Variants in PPP2R3A observed in about 807,000 individuals in gnomAD.
PPP2R3A encodes the protein serine/threonine-protein phosphatase 2A regulatory subunit B'' subunit alpha.
Under a neutral mutation model 106.9 loss-of-function variants are expected in PPP2R3A, and 80 were observed. The observed-to-expected ratio is 0.75, with a 90% CI of 0.62 to 0.90. The LOEUF is 0.90. Ranked by LOEUF, PPP2R3A falls within the 40% of genes least tolerant of loss-of-function variation. The pLI, the probability that PPP2R3A is intolerant of heterozygous loss-of-function variation, is 0.00. For missense variants in PPP2R3A, 1,386 were observed against 1,350.4 expected, an observed-to-expected ratio of 1.03 and a Z score of -0.41; for synonymous variants, 483 against 468.3, an observed-to-expected ratio of 1.03 and a Z score of -0.41.
intron 13 of PPP2R3A, among the ~76,000 whole-genome samples, chr3:136,121,447 G>A (rs1403816603): frequency 6.6e-6 from 1 of 152,164 alleles, no homozygotes; most frequent in Non-Finnish European, 1.5e-5. Context: ...TAGAGGATAG[G>A]AGGAGGGTGA....
In PPP2R3A at chr3:136,145,403, C is replaced by A; in HGVS notation, c.*237C>A. 2.8e-6 allele frequency: 1 copy of A among 352,840 alleles called. No homozygotes were observed. The highest frequency in any genetic ancestry group is 5.2e-6 in the Non-Finnish European group (1 of 192,034). The allele number at this position is 352,840 out of a possible 1,614,324, so 21.9% of individuals were successfully genotyped here. ...TCCTCAGAAGTGGTACCATCGCCTT[C>A]CAAAGTCAGCACTCTACACTCTTGA... is the stretch of plus-strand genomic sequence containing the variant. On this transcript the variant is annotated 3_prime_UTR_variant, in exon 14 of 14. Coordinates refer to ENST00000264977, the MANE Select transcript of PPP2R3A (RefSeq NM_002718.5).
intron 2 of PPP2R3A, among the ~76,000 whole-genome samples, chr3:136,010,449 C>T (rs1482029601): frequency 1.1e-4 from 9 of 82,078 alleles, no homozygotes; most frequent in African/African-American, 2.9e-4. Flanking sequence ...TTTTTTGAGA[C>T]GGAGTCTCGC....
chr3:135,989,858 A>G (rs1302156100), intron 1 of PPP2R3A, among the ~76,000 whole-genome samples: 2 of 152,138 alleles, frequency 1.3e-5, no homozygotes. Flanking sequence ...ATAAACTATA[A>G]TCTTACTTTT....
intron 9 of PPP2R3A, 127 bp from the exon 10 acceptor site, chr3:136,090,451 A>G (rs1417944851): frequency 1.5e-6 from 1 of 665,544 alleles, no homozygotes; most frequent in Non-Finnish European, 2.5e-6. Context: ...GTTGCCCTTT[A>G]TGAGGCATTT....
rs765467299 is a variant in PPP2R3A at position 136,145,115 on chromosome 3, T to C, written c.3402T>C (p.Ser1134=). The change falls in exon 14 of 14, where the codon AGT becomes AGC. Residue 1134 remains serine (S), a synonymous_variant. Coordinates refer to ENST00000264977, the MANE Select transcript of PPP2R3A (RefSeq NM_002718.5). ...EFGNKSNKIL[S]ASLPEKCGKL... ...GAAACAAAAGCAATAAAATATTAAGTGCAAGCCTTCCAGAGAAATGTGGAA... is the reference window on the plus strand; with the variant it reads ...GAAACAAAAGCAATAAAATATTAAGCGCAAGCCTTCCAGAGAAATGTGGAA... 3 of 1,613,922 alleles carry C rather than the reference T, an allele frequency of 1.9e-6. No individual in the cohort carries two copies. The Admixed American group carries it at 5.0e-5, about 27-fold the overall frequency.
chr3:136,100,425 A>T (rs1006412667), intron 10 of PPP2R3A, among the ~76,000 whole-genome samples: 2 of 152,008 alleles, frequency 1.3e-5, no homozygotes, highest in African/African-American at 4.8e-5. Flanking sequence ...CTGTAATCCC[A>T]GCACTTTGGG....
Position 136,145,423 on chromosome 3 carries a change from T to C in PPP2R3A, c.*257T>C, listed in dbSNP as rs1939079187. 2 of 278,532 alleles carry C rather than the reference T, an allele frequency of 7.2e-6. No individual in the cohort carries two copies. The highest frequency in any genetic ancestry group is 4.3e-5 in the South Asian group (1 of 23,174). 17.3% of individuals were successfully genotyped at this position (278,532 alleles called of 1,614,324 possible). On this transcript the variant is annotated 3_prime_UTR_variant, in exon 14 of 14. Transcript: ENST00000264977. ...GCCTTCCAAAGTCAGCACTCTACAC[T>C]CTTGAATGTACCAAGGATCTCTTGG...
intron 13 of PPP2R3A, among the ~76,000 whole-genome samples, chr3:136,124,867 A>G (rs1207930871): frequency 2.0e-5 from 3 of 152,322 alleles, no homozygotes; most frequent in East Asian, 3.9e-4. Context: ...GAATATTATG[A>G]ACAACTTTAT....
chr3:136,128,955 G>A lies in PPP2R3A; in HGVS notation c.3330-16088G>A, dbSNP rs575554333. Among the ~76,000 whole-genome samples the A allele has an allele frequency of 6.6e-5, 10 of 152,292 alleles. No homozygotes were observed. In the South Asian group the frequency reaches 2.1e-3, roughly 32 times the overall value. ...ACGAAATGAAGGCAGAAATAAAGATGTTGTTTGAAACCAATGAGAACAAAG... is the reference window on the plus strand; with the variant it reads ...ACGAAATGAAGGCAGAAATAAAGATATTGTTTGAAACCAATGAGAACAAAG... On this transcript the variant is annotated intron_variant, in intron 13 of 13. Coordinates refer to ENST00000264977, the MANE Select transcript of PPP2R3A (RefSeq NM_002718.5).
intron 13 of PPP2R3A, among the ~76,000 whole-genome samples, chr3:136,124,855 G>A (rs1029802380): frequency 2.0e-5 from 3 of 151,978 alleles, no homozygotes; most frequent in African/African-American, 4.8e-5. Context: ...AGAATTATAC[G>A]GGAATATTAT....
chr3:136,090,605 A>C lies in PPP2R3A; in HGVS notation c.2865A>C (p.Arg955Ser), dbSNP rs1937071989. 1 of 1,613,588 alleles carries C rather than the reference A, an allele frequency of 6.2e-7. No individual in the cohort carries two copies. The highest frequency in any genetic ancestry group is 1.7e-5 in the Admixed American group (1 of 59,986). The stretch of plus-strand genomic sequence containing the variant: ...GAAAAACAATACAGAAAGAGGGAAG[A>C]ATGAGCTATGCAGATTTTGTTTGGT... ...TRGKTIQKEG[R>S]MSYADFVWFL... is the part of the protein sequence containing the mutation. The change falls in exon 10 of 14, where the codon AGA becomes AGC. Residue 955 changes from arginine to serine, a missense_variant. By Grantham distance (110) the Arg-to-Ser change is moderately radical. Transcript: ENST00000264977.
chr3:136,102,311 TAA>T, intron 11 of PPP2R3A, 129 bp downstream of exon 11: 1 of 1,003,030 alleles, frequency 1.0e-6, no homozygotes, highest in Non-Finnish European at 1.4e-6. Context: ...CAGAAGTGTT[TAA>T]AGTTTCTCCT....
intron 10 of PPP2R3A, among the ~76,000 whole-genome samples, chr3:136,092,601 T>G (rs1215771925): frequency 6.6e-6 from 1 of 152,206 alleles, no homozygotes; most frequent in African/African-American, 2.4e-5. Context: ...GGACTCATAT[T>G]TCCCTATTCC....
At chr3:135,983,541 A>G (rs914231004) in intron 1 of PPP2R3A, among the ~76,000 whole-genome samples, 1 of 152,162 alleles carries the variant, frequency 6.6e-6, no homozygotes. Flanking sequence ...TTGCTTTTCT[A>G]TTTATATGTT....
chr3:135,994,867 T>C (rs1357813631), intron 1 of PPP2R3A, among the ~76,000 whole-genome samples: 1 of 152,200 alleles, frequency 6.6e-6, no homozygotes, highest in Non-Finnish European at 1.5e-5. Context: ...AAGGCTCTTA[T>C]CTTTCAAAAA....
intron 5 of PPP2R3A, chr3:136,055,664 A>G (rs1196272586): frequency 8.7e-7 from 1 of 1,148,982 alleles, no homozygotes; most frequent in African/African-American, 1.5e-5. Context: ...GAGGTTGTTC[A>G]TAAGGAGCTT....
intron 13 of PPP2R3A, among the ~76,000 whole-genome samples, chr3:136,140,896 ACT>A (rs1416542846): frequency 6.6e-6 from 1 of 152,154 alleles, no homozygotes; most frequent in Admixed American, 6.5e-5. Context: ...ACAGAGCGAG[ACT>A]CTGTCTCAAA....
intron 7 of PPP2R3A, among the ~76,000 whole-genome samples, 189 bp from the exon 8 acceptor site, chr3:136,082,076 G>C (rs1164989727): frequency 6.6e-6 from 1 of 152,020 alleles, no homozygotes; most frequent in Non-Finnish European, 1.5e-5. Flanking sequence ...GCATATTACA[G>C]AGCTCAGTAA....
chr3:136,119,371 G>C (rs1576325211), intron 13 of PPP2R3A, among the ~76,000 whole-genome samples: 1 of 152,242 alleles, frequency 6.6e-6, no homozygotes, highest in Middle Eastern at 3.4e-3. Flanking sequence ...TTGACAAATG[G>C]GATCTAATTA....
Sources: allele counts gnomAD v4.1 joint callset (sites outside exome capture counted in the v4.1 genomes callset), GRCh38; gene constraint gnomAD v4.1.1; transcripts MANE v1.5; gene names NCBI Gene and HGNC (gene_info 2026-07-23, HGNC 2026-07-21).